CACNA2D3: variants seen among roughly 807,000 people sequenced by gnomAD.
CACNA2D3 encodes the protein calcium voltage-gated channel auxiliary subunit alpha2delta 3.
Under a neutral mutation model 160.6 loss-of-function variants are expected in CACNA2D3, and 60 were observed. The ratio of observed to expected loss-of-function variants is 0.37; its 90% CI spans 0.30 to 0.46. The LOEUF is 0.46. Ranked by LOEUF, CACNA2D3 falls within the 20% of genes least tolerant of loss-of-function variation. CACNA2D3 has a pLI of 1.00. For synonymous variants in CACNA2D3, 558 were observed against 492.9 expected, an observed-to-expected ratio of 1.13 and a Z score of -1.75; for missense variants, 1,205 against 1,365.0, an observed-to-expected ratio of 0.88 and a Z score of 1.85.
At chr3:54,998,937 G>A (rs9790239) in intron 31 of CACNA2D3, among the ~76,000 whole-genome samples, 68,383 of 151,736 alleles carry the variant, frequency 0.45, 15,733 homozygotes, top group East Asian at 0.56. Context: ...TAGTAGAGAC[G>A]GGGTTTCACT....
At chr3:54,425,114 G>C (rs917978088) in intron 4 of CACNA2D3, among the ~76,000 whole-genome samples, 2 of 152,212 alleles carry the variant, frequency 1.3e-5, no homozygotes, top group African/African-American at 4.8e-5. Flanking sequence ...TGTATCGCCT[G>C]AGGTCAGGAG....
intron 2 of CACNA2D3, among the ~76,000 whole-genome samples, chr3:54,195,965 A>G (rs1701071718): frequency 6.6e-6 from 1 of 152,242 alleles, no homozygotes; most frequent in Non-Finnish European, 1.5e-5. Flanking sequence ...TGAATTTTCC[A>G]GGAGCACGAC....
intron 11 of CACNA2D3, among the ~76,000 whole-genome samples, chr3:54,688,979 C>CAAAAA (rs1162900126): frequency 1.5e-3 from 48 of 31,434 alleles, no homozygotes; most frequent in East Asian, 5.6e-3. Context: ...GAGACTGTCT[C>CAAAAA]AAAAAAAAAA....
At chr3:54,452,599 C>G (rs1700327718) in intron 4 of CACNA2D3, among the ~76,000 whole-genome samples, 1 of 152,196 alleles carries the variant, frequency 6.6e-6, no homozygotes, top group Non-Finnish European at 1.5e-5. Flanking sequence ...ATTACCCAAT[C>G]CAAAGCCACT....
intron 3 of CACNA2D3, among the ~76,000 whole-genome samples, chr3:54,357,492 C>T (rs999603637): frequency 6.6e-6 from 1 of 152,132 alleles, no homozygotes; most frequent in African/African-American, 2.4e-5. Flanking sequence ...CGGTAACAGC[C>T]ACTTTGGAAG....
At chr3:54,269,629 G>A (rs1702581693) in intron 2 of CACNA2D3, among the ~76,000 whole-genome samples, 1 of 152,150 alleles carries the variant, frequency 6.6e-6, no homozygotes. Flanking sequence ...TGCAAGGAGT[G>A]GAGGATCCTG....
intron 3 of CACNA2D3, among the ~76,000 whole-genome samples, chr3:54,347,808 A>G (rs1489883997): frequency 6.6e-6 from 1 of 152,064 alleles, no homozygotes; most frequent in Non-Finnish European, 1.5e-5. Context: ...CCTGAGACCC[A>G]CCGTGCCTGT....
At chr3:54,593,606 T>TA (rs1702900804) in intron 9 of CACNA2D3, among the ~76,000 whole-genome samples, 1 of 152,194 alleles carries the variant, frequency 6.6e-6, no homozygotes, top group South Asian at 2.1e-4. Flanking sequence ...TTGAAATTAA[T>TA]AAAAATATTT....
At chr3:55,032,901 G>A (rs1466567457) in intron 35 of CACNA2D3, among the ~76,000 whole-genome samples, 4 of 141,208 alleles carry the variant, frequency 2.8e-5, no homozygotes, top group African/African-American at 5.2e-5. Context: ...TGATTGAGAC[G>A]AGGTTTCCCA....
chr3:54,907,288 A>C (rs1470236585), intron 27 of CACNA2D3, among the ~76,000 whole-genome samples: 1 of 152,098 alleles, frequency 6.6e-6, no homozygotes, highest in Admixed American at 6.5e-5. Flanking sequence ...CTTCCTTTTC[A>C]CATGTGTAAG....
intron 9 of CACNA2D3, among the ~76,000 whole-genome samples, chr3:54,597,064 G>GAAGA (rs1250697655): frequency 3.3e-5 from 5 of 152,174 alleles, no homozygotes; most frequent in Non-Finnish European, 7.3e-5. Context: ...TTGAATGAAG[G>GAAGA]AAGAAAGAAG....
chr3:54,136,665 C>T (rs548550994), intron 2 of CACNA2D3, among the ~76,000 whole-genome samples: 246 of 152,292 alleles, frequency 1.6e-3, no homozygotes, highest in Non-Finnish European at 2.7e-3. Context: ...TGCCCATGCC[C>T]GTGCCATTGC....
intron 17 of CACNA2D3, among the ~76,000 whole-genome samples, chr3:54,852,128 C>CGT (rs1699071639): frequency 6.6e-6 from 1 of 152,242 alleles, no homozygotes; most frequent in South Asian, 2.1e-4. Context: ...CCTCCTCTGC[C>CGT]GTGGCCACCA....
chr3:54,319,184 A>ACACACG (rs1273994782), intron 2 of CACNA2D3, among the ~76,000 whole-genome samples: 1 of 151,008 alleles, frequency 6.6e-6, no homozygotes, highest in Non-Finnish European at 1.5e-5. Flanking sequence ...ACACACACAC[A>ACACACG]CACACACACA....
In CACNA2D3 at chr3:54,504,434, T is replaced by G. The variant is rs139045787; in HGVS notation, c.544+780T>G. Among the ~76,000 whole-genome samples, 177 of 152,322 alleles carry G rather than the reference T, an allele frequency of 1.2e-3. 3 individuals are homozygous for G. Among genetic ancestry groups the G allele is most frequent in the African/African-American group, 4.0e-3 (166 of 41,570 alleles). ...TTTAGGTCTGAATTTTCTCATCTTA[T>G]GATGTGAATAATAATCATATCTACC... On this transcript the variant is annotated intron_variant, in intron 5 of 37. Coordinates refer to ENST00000474759, the MANE Select transcript of CACNA2D3 (RefSeq NM_018398.3).
At chr3:54,356,241 T>C (rs1299578398) in intron 3 of CACNA2D3, among the ~76,000 whole-genome samples, 2 of 152,158 alleles carry the variant, frequency 1.3e-5, no homozygotes, top group Non-Finnish European at 2.9e-5. Flanking sequence ...TGAGTTGAGC[T>C]TATGGGGTGG....
intron 2 of CACNA2D3, among the ~76,000 whole-genome samples, chr3:54,225,345 A>T (rs531218034): frequency 6.6e-6 from 1 of 152,270 alleles, no homozygotes; most frequent in East Asian, 1.9e-4. Context: ...AATATCTTTT[A>T]TCACCTTCTG....
At chr3:54,289,244 G>A (rs1056900835) in intron 2 of CACNA2D3, among the ~76,000 whole-genome samples, 3 of 151,680 alleles carry the variant, frequency 2.0e-5, no homozygotes, top group African/African-American at 7.3e-5. Context: ...AAAATCACAA[G>A]CATTCTTATA....
chr3:54,445,561 C>T (rs1043802731), intron 4 of CACNA2D3, among the ~76,000 whole-genome samples: 3 of 145,644 alleles, frequency 2.1e-5, no homozygotes, highest in Non-Finnish European at 4.5e-5. Context: ...TGTATACACA[C>T]ACACACACAC....
Sources: allele counts gnomAD v4.1 joint callset (sites outside exome capture counted in the v4.1 genomes callset), GRCh38; gene constraint gnomAD v4.1.1; transcripts MANE v1.5; gene names NCBI Gene and HGNC (gene_info 2026-07-23, HGNC 2026-07-21).